Variants in DYNLT5 observed in about 807,000 individuals in gnomAD.
The protein encoded by DYNLT5 is dynein light chain Tctex-type family member 5.
In DYNLT5, 25 loss-of-function variants were observed where a neutral mutation model predicts 19.3. The ratio of observed to expected loss-of-function variants is 1.30; its 90% CI spans 0.95 to 1.81. The LOEUF is 1.81. DYNLT5 is among the 40% of genes most tolerant of loss of function. DYNLT5 has a pLI of 0.00. For synonymous variants in DYNLT5, 82 were observed against 68.9 expected, an observed-to-expected ratio of 1.19 and a Z score of -0.94; for missense variants, 232 against 217.9, an observed-to-expected ratio of 1.06 and a Z score of -0.41.
chr1:66,776,487 G>T, intron 4 of DYNLT5, 84 bp downstream of exon 4: 1 of 1,466,726 alleles, frequency 6.8e-7, no homozygotes, highest in Non-Finnish European at 9.1e-7. Flanking sequence ...TTTGATGAGG[G>T]GAATTAATTT....
At chr1:66,765,522 C>T (rs1170109762) in intron 2 of DYNLT5, among the ~76,000 whole-genome samples, 1 of 151,998 alleles carries the variant, frequency 6.6e-6, no homozygotes, top group South Asian at 2.1e-4. Context: ...AAAAGACATG[C>T]CTTGTGTTTA....
rs1645233136 is a variant in DYNLT5 at position 66,776,160 on chromosome 1, T to C, written c.212-119T>C. 21 of 1,327,548 alleles carry C rather than the reference T, an allele frequency of 1.6e-5. No individual in the cohort carries two copies. In the South Asian group the frequency reaches 3.2e-4, roughly 20 times the overall value. 82.2% of individuals were successfully genotyped at this position (1,327,548 alleles called of 1,614,324 possible). A position where few individuals can be genotyped will look rare whatever the true frequency, so the allele number is the denominator to read the frequency against. ...AATTAGAGCCACTTGTTTCTTTCAATAGAGTCCACCCAGAAGATTAAATCC... is the reference window on the plus strand; with the variant it reads ...AATTAGAGCCACTTGTTTCTTTCAACAGAGTCCACCCAGAAGATTAAATCC... On this transcript the variant is annotated intron_variant, in intron 3 of 4. Transcript: ENST00000282670.
chr1:66,774,294 A>G (rs1645222222), intron 3 of DYNLT5, among the ~76,000 whole-genome samples: 1 of 152,112 alleles, frequency 6.6e-6, no homozygotes. Context: ...TAAAATAAAA[A>G]TTCCAAAAAA....
rs145081657 is a variant in DYNLT5, at chr1:66,767,201, G to A, written c.120-3186G>A. Among the ~76,000 whole-genome samples, 53 of 151,802 alleles carry A rather than the reference G, an allele frequency of 3.5e-4. No individual in the cohort carries two copies. The East Asian group carries it at 9.3e-3, about 27-fold the overall frequency. On this transcript the variant is annotated intron_variant, in intron 2 of 4. Transcript: ENST00000282670. Reference sequence around the variant, plus strand: ...AAATATAGAAAATTTACTCCTCAAAGCCCCAGTTCCTCTCTAAAACTAATT... The same window carrying A: ...AAATATAGAAAATTTACTCCTCAAAACCCCAGTTCCTCTCTAAAACTAATT...
chr1:66,767,921 A>G (rs1271711929), intron 2 of DYNLT5, among the ~76,000 whole-genome samples: 1 of 152,210 alleles, frequency 6.6e-6, no homozygotes, highest in Non-Finnish European at 1.5e-5. Flanking sequence ...CTCATAAGCC[A>G]CATAGGCCAC....
intron 3 of DYNLT5, 199 bp downstream of exon 3, chr1:66,770,677 C>A: frequency 1.5e-6 from 1 of 668,306 alleles, no homozygotes; most frequent in Non-Finnish European, 2.7e-6. Flanking sequence ...CTTTTCTTTA[C>A]TAATGTTTCC....
At chr1:66,775,762 T>C (rs947291025) in intron 3 of DYNLT5, among the ~76,000 whole-genome samples, 1 of 152,174 alleles carries the variant, frequency 6.6e-6, no homozygotes, top group African/African-American at 2.4e-5. Context: ...GATATTCCAT[T>C]TGAAAACTAA....
intron 2 of DYNLT5, among the ~76,000 whole-genome samples, chr1:66,760,283 T>TTGTTTA (rs2094643628): frequency 6.6e-6 from 1 of 152,160 alleles, no homozygotes; most frequent in South Asian, 2.1e-4. Flanking sequence ...AGACCATAGT[T>TTGTTTA]TGTTTTTGTT....
chr1:66,777,115 G>A (rs371749593), intron 4 of DYNLT5, 136 bp from the exon 5 acceptor site: 17 of 725,562 alleles, frequency 2.3e-5, no homozygotes, highest in East Asian at 1.1e-4. Context: ...TCATACTTAC[G>A]GTTCTAAAAC....
intron 4 of DYNLT5, 25 bp downstream of exon 4, chr1:66,776,428 G>A: frequency 6.3e-7 from 1 of 1,575,310 alleles, no homozygotes. Context: ...TGCCCAAAGT[G>A]TTAACAATAG....
At chr1:66,775,648 G>A (rs971790781) in intron 3 of DYNLT5, 2 of 152,218 alleles carry the variant, frequency 1.3e-5, no homozygotes, top group African/African-American at 2.4e-5. Context: ...GGAAAGGAGG[G>A]ACATTTTTAC....
chr1:66,758,758 G>A (rs2150860144), intron 2 of DYNLT5, among the ~76,000 whole-genome samples: 1 of 152,304 alleles, frequency 6.6e-6, no homozygotes, highest in Non-Finnish European at 1.5e-5. Flanking sequence ...GGTCTTGCCA[G>A]TAAAAGTGAC....
chr1:66,759,599 G>A (rs1186988551), intron 2 of DYNLT5, among the ~76,000 whole-genome samples: 1 of 151,980 alleles, frequency 6.6e-6, no homozygotes, highest in Non-Finnish European at 1.5e-5. Flanking sequence ...CAGAAACAAA[G>A]CCCAAATAGC....
At chr1:66,757,638 A>T (rs1365101392) in intron 2 of DYNLT5, among the ~76,000 whole-genome samples, 1 of 152,140 alleles carries the variant, frequency 6.6e-6, no homozygotes, top group Non-Finnish European at 1.5e-5. Flanking sequence ...AATAATAAGG[A>T]TGATAATAGC....
intron 2 of DYNLT5, among the ~76,000 whole-genome samples, chr1:66,765,750 C>G (rs947119516): frequency 6.6e-6 from 1 of 151,808 alleles, no homozygotes; most frequent in Non-Finnish European, 1.5e-5. Context: ...ATTCTCCGGC[C>G]TCAGCCTCTC....
At chr1:66,776,145 A>G (rs376733080) in intron 3 of DYNLT5, 134 bp from the exon 4 acceptor site, 2 of 1,186,776 alleles carry the variant, frequency 1.7e-6, no homozygotes, top group Admixed American at 3.0e-5. Context: ...AATTAGAGCC[A>G]CTTGTTTCTT....
chr1:66,752,490 G>C lies in DYNLT5; in HGVS notation c.-98G>C, dbSNP rs547054656. ...CAGGGAGAGTGCGCGGGCGGCCGCC[G>C]GCTGAATGAAGCCTGGGACGCGGGA... On this transcript the variant is annotated 5_prime_UTR_variant, in exon 1 of 5. Coordinates refer to ENST00000282670, the MANE Select transcript of DYNLT5 (RefSeq NM_152665.3). 39 of 985,538 alleles carry C rather than the reference G, an allele frequency of 4.0e-5. No individual in the cohort carries two copies. In the African/African-American group the frequency reaches 4.9e-4, roughly 12 times the overall value. The allele number at this position is 985,538 out of a possible 1,614,324, so 61.0% of individuals were successfully genotyped here. A position where few individuals can be genotyped will look rare whatever the true frequency, so the allele number is the denominator to read the frequency against.
intron 2 of DYNLT5, among the ~76,000 whole-genome samples, chr1:66,762,033 A>G (rs938965483): frequency 2.6e-5 from 4 of 152,222 alleles, no homozygotes; most frequent in Admixed American, 2.6e-4. Flanking sequence ...CACCAGAAGT[A>G]GATTCCATCT....
intron 2 of DYNLT5, among the ~76,000 whole-genome samples, chr1:66,762,074 G>A (rs1206642348): frequency 6.6e-6 from 1 of 152,170 alleles, no homozygotes; most frequent in African/African-American, 2.4e-5. Context: ...TCATTTGTAA[G>A]AAGCAACTCC....
Sources: gnomAD v4.1 joint callset for allele counts (sites outside exome capture counted in the v4.1 genomes callset) on GRCh38, gnomAD v4.1.1 for gene constraint, MANE v1.5 for transcripts, NCBI Gene and HGNC (gene_info 2026-07-23, HGNC 2026-07-21) for gene names.